The following INSR variants were observed in gnomAD, a reference collection of about 807,000 sequenced individuals.
INSR encodes the protein IR.
In INSR, 67 loss-of-function variants were observed where a neutral mutation model predicts 142.6. The ratio of observed to expected loss-of-function variants is 0.47; its 90% CI spans 0.39 to 0.58. INSR has a LOEUF of 0.58. Ranked by LOEUF, INSR falls within the 20% of genes least tolerant of loss-of-function variation. The pLI is 0.00. For missense variants in INSR, 1,248 were observed against 1,833.2 expected (o/e 0.68, Z 5.83); for synonymous variants, 756 against 743.1 (o/e 1.02, Z -0.28).
At chr19:7,146,534 T>G (rs182691945) in intron 11 of INSR, among the ~76,000 whole-genome samples, 69 of 152,216 alleles carry the variant, frequency 4.5e-4, no homozygotes, top group African/African-American at 1.7e-3. Flanking sequence ...TGAGCCACCA[T>G]GCTCAACCTC....
chr19:7,126,797 G>T, intron 15 of INSR, 146 bp from the exon 16 acceptor site: 2 of 762,574 alleles, frequency 2.6e-6, no homozygotes, highest in Non-Finnish European at 4.6e-6. Context: ...CAGGGATGGG[G>T]GACCTTTATG....
chr19:7,131,873 C>T (rs971107840), intron 14 of INSR, among the ~76,000 whole-genome samples: 1 of 151,322 alleles, frequency 6.6e-6, no homozygotes, highest in African/African-American at 2.4e-5. Context: ...GTGGTGGGCA[C>T]CTGTAGTCCC....
At chr19:7,269,210 TAAA>T (rs11395249) in intron 1 of INSR, among the ~76,000 whole-genome samples, 1 of 130,970 alleles carries the variant, frequency 7.6e-6, no homozygotes, top group African/African-American at 2.8e-5. Context: ...GTAAATCCTC[TAAA>T]AAAAAAAAAA....
At position 7,281,998 on chromosome 19, in the gene INSR, C is replaced by T. The variant is rs1469769845; in HGVS notation, c.100+11794G>A. 7.2e-5 allele frequency among the ~76,000 whole-genome samples: 11 copies of T among 152,158 alleles called. No individual in the cohort carries two copies. The East Asian group carries it at 2.1e-3, about 29-fold the overall frequency. ...AGTCCGCTTTGAACTCCAACAGGAG[C>T]TTAGAGCCAGTCTGTACGTGGCACC... is the stretch of plus-strand genomic sequence containing the variant. On this transcript the variant is annotated intron_variant, in intron 1 of 21. Transcript: ENST00000302850.
chr19:7,135,510 T>C (rs113368510), intron 13 of INSR, among the ~76,000 whole-genome samples: 10,239 of 147,080 alleles, frequency 0.07, 533 homozygotes, highest in African/African-American at 0.13. Context: ...AAGACTCTGT[T>C]TGAAAAAAAA....
intron 2 of INSR, among the ~76,000 whole-genome samples, chr19:7,213,352 A>AAC (rs1975336610): frequency 6.7e-6 from 1 of 148,478 alleles, no homozygotes. Context: ...AAAAAAAAAA[A>AAC]AAAAAAACAA....
intron 14 of INSR, among the ~76,000 whole-genome samples, chr19:7,129,410 C>G (rs1972724275): frequency 6.6e-6 from 1 of 152,138 alleles, no homozygotes; most frequent in South Asian, 2.1e-4. Context: ...CTGGAACCTC[C>G]TCCTTTCGGG....
chr19:7,242,935 G>A (rs1976404073), intron 2 of INSR, among the ~76,000 whole-genome samples: 2 of 151,984 alleles, frequency 1.3e-5, no homozygotes, highest in South Asian at 2.1e-4. Context: ...TACTGCTAAA[G>A]CAGAGAAAAA....
In INSR at chr19:7,166,712, G is replaced by A. The variant is rs748256931; in HGVS notation, c.1611-308C>T. 7.2e-5 allele frequency among the ~76,000 whole-genome samples: 11 copies of A among 152,118 alleles called. No individual in the cohort carries two copies. The highest frequency in any genetic ancestry group is 9.7e-5 in the African/African-American group (4 of 41,416). On this transcript the variant is annotated intron_variant, in intron 7 of 21. Coordinates refer to ENST00000302850, the MANE Select transcript of INSR (RefSeq NM_000208.4). The surrounding 1 kb of genome is among the most constrained non-coding windows in gnomAD (Gnocchi z 4.1). ...AGAATGGCGGATCACCAGAAGTCAG[G>A]AGTTCGAGACCAGCCTGGCCAACAT...
intron 3 of INSR, among the ~76,000 whole-genome samples, chr19:7,183,263 G>GGTGT (rs71177167): frequency 0.042 from 6,122 of 146,534 alleles, 262 homozygotes; most frequent in African/African-American, 0.12. Context: ...GTTGTTTTGT[G>GGTGT]GTGTGTGTGT....
intron 2 of INSR, among the ~76,000 whole-genome samples, chr19:7,235,967 T>G (rs1380013179): frequency 3.4e-5 from 4 of 116,782 alleles, no homozygotes; most frequent in Non-Finnish European, 5.0e-5. Flanking sequence ...CAATCTGGCC[T>G]TTCCTTTTTT....
At chr19:7,287,228 C>T (rs902289694) in intron 1 of INSR, among the ~76,000 whole-genome samples, 1 of 149,474 alleles carries the variant, frequency 6.7e-6, no homozygotes, top group East Asian at 2.0e-4. Context: ...GGCGCAATCT[C>T]GGCTCACTGC....
At chr19:7,131,760 AG>A (rs1479820633) in intron 14 of INSR, among the ~76,000 whole-genome samples, 4 of 128,494 alleles carry the variant, frequency 3.1e-5, no homozygotes, top group Non-Finnish European at 6.5e-5. Flanking sequence ...GCACTTTGGG[AG>A]GCCGAGGCGG....
In INSR at chr19:7,132,329, AGAG is replaced by A. The variant is rs1302856199; in HGVS notation, c.2683-15_2683-13del. On this transcript the variant is annotated splice_polypyrimidine_tract_variant and intron_variant, in intron 13 of 21. Transcript: ENST00000302850. The stretch of plus-strand genomic sequence containing the variant: ...CAGAGATGCAGCTCCTGGGAGGAAG[AGAG>A]GAGGAGAAGGAGGGTGGCTGAGCTT... 4 of 1,613,192 alleles carry A rather than the reference AGAG, an allele frequency of 2.5e-6. No individual in the cohort carries two copies. Among genetic ancestry groups the A allele is most frequent in the African/African-American group, 2.7e-5 (2 of 74,916 alleles).
chr19:7,273,267 G>T (rs1006381618), intron 1 of INSR, among the ~76,000 whole-genome samples: 3 of 152,064 alleles, frequency 2.0e-5, no homozygotes, highest in Non-Finnish European at 2.9e-5. Flanking sequence ...CATTAAAGCC[G>T]TATGTGTCCC....
chr19:7,226,728 CAAA>C (rs71177177), intron 2 of INSR, among the ~76,000 whole-genome samples: 2 of 112,868 alleles, frequency 1.8e-5, no homozygotes, highest in East Asian at 2.5e-4. Context: ...ACCCTGTTTC[CAAA>C]AAAAAAAAAA....
At position 7,197,518 on chromosome 19, in the gene INSR, T is replaced by G. The variant is rs868370195; in HGVS notation, c.653-12881A>C. 8.2e-4 allele frequency among the ~76,000 whole-genome samples: 100 copies of G among 121,498 alleles called. 7 individuals carry two copies. The highest frequency in any genetic ancestry group is 1.8e-3 in the African/African-American group (47 of 25,504). 79.7% of individuals were successfully genotyped at this position (121,498 alleles called of 152,430 possible). A position where few individuals can be genotyped will look rare whatever the true frequency, so the allele number is the denominator to read the frequency against. ...GCAGGTTCCAGAGTGGGAGTGGGGG[T>G]GTGTGTGTGTGTGTGTGTGTGTGTG... On this transcript the variant is annotated intron_variant, in intron 2 of 21. Transcript: ENST00000302850.
chr19:7,117,990 T>TC, intron 21 of INSR, among the ~76,000 whole-genome samples: 1 of 150,994 alleles, frequency 6.6e-6, no homozygotes, highest in Non-Finnish European at 1.5e-5. Flanking sequence ...CATTGCAGCC[T>TC]TGAACTCCTG....
At chr19:7,210,823 G>C (rs905425163) in intron 2 of INSR, among the ~76,000 whole-genome samples, 6 of 152,004 alleles carry the variant, frequency 3.9e-5, no homozygotes, top group Middle Eastern at 3.2e-3. Flanking sequence ...TCTGCCTCGC[G>C]GTTTCAAGCA....
Sources: allele counts gnomAD v4.1 joint callset (sites outside exome capture counted in the v4.1 genomes callset), GRCh38; gene constraint gnomAD v4.1.1; non-coding constraint Gnocchi (gnomAD v3.1); transcripts MANE v1.5; gene names NCBI Gene and HGNC (gene_info 2026-07-23, HGNC 2026-07-21).